The following UNC13A variants were observed in gnomAD, a reference collection of about 807,000 sequenced individuals.
UNC13A encodes unc-13 homolog A.
Under a neutral mutation model 219.7 loss-of-function variants are expected in UNC13A, and 61 were observed. That is an observed-to-expected ratio of 0.28 (90% CI 0.23 to 0.34). UNC13A has a LOEUF of 0.34. Ranked by LOEUF, UNC13A falls within the 10% of genes least tolerant of loss-of-function variation. The pLI, the probability that UNC13A is intolerant of heterozygous loss-of-function variation, is 1.00. For synonymous variants in UNC13A, 920 were observed against 884.6 expected, an observed-to-expected ratio of 1.04 and a Z score of -0.71; for missense variants, 1,476 against 2,270.3, an observed-to-expected ratio of 0.65 and a Z score of 7.11.
chr19:17,665,673 C>T (rs915990272), intron 7 of UNC13A, among the ~76,000 whole-genome samples: 1 of 152,154 alleles, frequency 6.6e-6, no homozygotes. Context: ...GTCTGTTGTA[C>T]GTGCGCCCAT....
At chr19:17,685,784 G>A (rs1299599227) in intron 1 of UNC13A, among the ~76,000 whole-genome samples, 1 of 152,172 alleles carries the variant, frequency 6.6e-6, no homozygotes, top group African/African-American at 2.4e-5. Flanking sequence ...GGGTATGAAT[G>A]TGTGTAGGGA....
In UNC13A at chr19:17,606,010, G is replaced by A; in HGVS notation, c.*44C>T. ...CGCAAGCCCCGTCCCTCCCCGCCCAGCGCCCTCCGCGCAGGCGCAGTGCCG... is the reference window on the plus strand; with the variant it reads ...CGCAAGCCCCGTCCCTCCCCGCCCAACGCCCTCCGCGCAGGCGCAGTGCCG... On this transcript the variant is annotated 3_prime_UTR_variant, in exon 44 of 44. Coordinates refer to ENST00000519716, the MANE Select transcript of UNC13A (RefSeq NM_001080421.3). 1.4e-6 allele frequency: 2 copies of A among 1,393,330 alleles called. No individual in the cohort carries two copies. Among genetic ancestry groups the A allele is most frequent in the Non-Finnish European group, 1.9e-6 (2 of 1,077,718 alleles). The allele number at this position is 1,393,330 out of a possible 1,614,324, so 86.3% of individuals were successfully genotyped here. A position where few individuals can be genotyped will look rare whatever the true frequency, so the allele number is the denominator to read the frequency against.
intron 11 of UNC13A, among the ~76,000 whole-genome samples, chr19:17,654,611 C>A (rs1405889632): frequency 6.6e-6 from 1 of 152,160 alleles, no homozygotes; most frequent in African/African-American, 2.4e-5. Context: ...ATGGCCTCAA[C>A]CCTGCTGCCC....
rs767471139 is a variant in UNC13A at position 17,610,050 on chromosome 19, C to T, written c.4701G>A (p.Pro1567=). 2.5e-6 allele frequency: 4 copies of T among 1,614,018 alleles called. No individual in the cohort carries two copies. The highest frequency in any genetic ancestry group is 1.1e-5 in the South Asian group (1 of 91,082). ...LKWQTSGIFR[P]FIEVNIIGPQ... ...GCCCAATGATGTTGACCTCGATGAA[C>T]GGCCGGAAGATGCCAGAAGTCTGCC... The change falls in exon 43 of 44, where the codon CCG becomes CCA. Residue 1567 remains proline, a synonymous_variant. Transcript: ENST00000519716.
chr19:17,687,757 C>T (rs2080142004), intron 1 of UNC13A, among the ~76,000 whole-genome samples: 1 of 152,136 alleles, frequency 6.6e-6, no homozygotes, highest in Non-Finnish European at 1.5e-5. Context: ...TCCATGAGGA[C>T]CCGTAACCCA....
rs2076618260 is a variant in UNC13A at position 17,612,778 on chromosome 19, C to T, written c.4559-923G>A. The stretch of plus-strand genomic sequence containing the variant: ...AGGAACACTTGAGCTCAGAAGGGTC[C>T]AGGCTGCAGTGAGACGAGATCGCAC... On this transcript the variant is annotated intron_variant, in intron 41 of 43. Transcript: ENST00000519716. 2.0e-5 allele frequency among the ~76,000 whole-genome samples: 3 copies of T among 152,072 alleles called. No homozygotes were observed. In the South Asian group the frequency reaches 6.2e-4, roughly 31 times the overall value.
intron 11 of UNC13A, among the ~76,000 whole-genome samples, chr19:17,653,105 T>C (rs932127336): frequency 6.6e-6 from 1 of 152,006 alleles, no homozygotes; most frequent in Non-Finnish European, 1.5e-5. Context: ...CTCCATCTTG[T>C]AACTAAAGGG....
At chr19:17,628,943 GCA>G (rs1213037974) in intron 31 of UNC13A, among the ~76,000 whole-genome samples, 1 of 151,438 alleles carries the variant, frequency 6.6e-6, no homozygotes, top group Non-Finnish European at 1.5e-5. Context: ...GATCAGACAC[GCA>G]CACTCAGATG....
chr19:17,677,177 A>T (rs535724392), intron 1 of UNC13A, among the ~76,000 whole-genome samples: 3 of 152,134 alleles, frequency 2.0e-5, no homozygotes, highest in Admixed American at 1.3e-4. Flanking sequence ...TCACAGCCCC[A>T]AGAGATTCAA....
chr19:17,649,010 G>T lies in UNC13A; in HGVS notation c.1525-27C>A. ...TGGGGAGGTCACAGAAGAGGGAGTC[G>T]GGGGGGTTGACATCCATGAGATCAC... On this transcript the variant is annotated intron_variant, in intron 14 of 43. Coordinates refer to ENST00000519716, the MANE Select transcript of UNC13A (RefSeq NM_001080421.3). This position sits in a 1 kb window ranked among gnomAD's most constrained non-coding sequence, Gnocchi z 4.4. 6.4e-7 allele frequency: 1 copy of T among 1,568,268 alleles called. No homozygotes were observed. The highest frequency in any genetic ancestry group is 1.4e-5 in the African/African-American group (1 of 73,672).
intron 41 of UNC13A, 140 bp downstream of exon 41, chr19:17,617,562 G>C (rs2076679985): frequency 7.8e-7 from 1 of 1,287,582 alleles, no homozygotes; most frequent in Non-Finnish European, 1.1e-6. Flanking sequence ...TCGCTCATTG[G>C]TCCCTGGACT....
Position 17,655,942 on chromosome 19 carries a change from G to A in UNC13A, c.1224C>T (p.Pro408=), listed in dbSNP as rs369156469. 196 of 1,541,432 alleles carry A rather than the reference G, an allele frequency of 1.3e-4. No individual in the cohort carries two copies. Among genetic ancestry groups the A allele is most frequent in the Non-Finnish European group, 1.5e-4 (176 of 1,146,606 alleles). The change falls in exon 10 of 44, where the codon CCC becomes CCT. Residue 408 remains proline, a synonymous_variant. Transcript: ENST00000519716. ...TCTGCTCAGCTGCAGGCACCTTGTCGGGCGTGGCTGGCTTGGGGGCCACCT... is the reference window on the plus strand; with the variant it reads ...TCTGCTCAGCTGCAGGCACCTTGTCAGGCGTGGCTGGCTTGGGGGCCACCT... The part of the protein sequence containing the change: ...MAKVAPKPAT[P]DKVPAAEQIP...
chr19:17,679,257 G>A lies in UNC13A; in HGVS notation c.23-3216C>T, dbSNP rs1160875420. Among the ~76,000 whole-genome samples, 6 of 151,870 alleles carry A rather than the reference G, an allele frequency of 4.0e-5. No homozygotes were observed. In the East Asian group the frequency reaches 7.8e-4, roughly 20 times the overall value. On this transcript the variant is annotated intron_variant, in intron 1 of 43. Coordinates refer to ENST00000519716, the MANE Select transcript of UNC13A (RefSeq NM_001080421.3). ...TCTATTAAAAATACAAAAATTAGCCGGGCATGATGGTGCACGCCTGTAGTC... is the reference window on the plus strand; with the variant it reads ...TCTATTAAAAATACAAAAATTAGCCAGGCATGATGGTGCACGCCTGTAGTC...
chr19:17,625,984 T>C (rs775982640), intron 34 of UNC13A, among the ~76,000 whole-genome samples: 4 of 150,722 alleles, frequency 2.7e-5, no homozygotes, highest in African/African-American at 4.9e-5. Flanking sequence ...CATCAATCCA[T>C]CTATACATCA....
At chr19:17,630,021 T>G (rs1413855000) in intron 30 of UNC13A, 124 bp downstream of exon 30, 1 of 1,143,650 alleles carries the variant, frequency 8.7e-7, no homozygotes, top group East Asian at 2.6e-5. Context: ...CCAACTTCAA[T>G]CCCAACCTCA....
Position 17,674,238 on chromosome 19 carries a change from G to A in UNC13A, c.152+419C>T, listed in dbSNP as rs913856761. ...AAGGGGCAGAGGTGGGTGTGGCTGG[G>A]GCAGGTGAGGGAGATAGAGCGAGAA... is the stretch of plus-strand genomic sequence containing the variant. On this transcript the variant is annotated intron_variant, in intron 3 of 43. Transcript: ENST00000519716. This position sits in a 1 kb window ranked among gnomAD's most constrained non-coding sequence, Gnocchi z 5.0. Among the ~76,000 whole-genome samples, 3 of 152,216 alleles carry A rather than the reference G, an allele frequency of 2.0e-5. No homozygotes were observed. Among genetic ancestry groups the A allele is most frequent in the Non-Finnish European group, 4.4e-5 (3 of 68,032 alleles).
chr19:17,630,807 G>A lies in UNC13A; in HGVS notation c.3429-57C>T, dbSNP rs532358225. ...ACCTCTTGTCCTCCTCAACCTCTGCGCCGCCTGGTTCTGACCCACTAACGA... is the reference window on the plus strand; with the variant it reads ...ACCTCTTGTCCTCCTCAACCTCTGCACCGCCTGGTTCTGACCCACTAACGA... On this transcript the variant is annotated intron_variant, in intron 28 of 43. Transcript: ENST00000519716. The A allele has an allele frequency of 1.8e-4, 281 of 1,530,402 alleles. 1 individual carries two copies. In the South Asian group the frequency reaches 2.8e-3, roughly 15 times the overall value. The allele number at this position is 1,530,402 out of a possible 1,614,324, so 94.8% of individuals were successfully genotyped here. A position where few individuals can be genotyped will look rare whatever the true frequency, so the allele number is the denominator to read the frequency against.
At chr19:17,622,584 G>GC (rs2076739939) in intron 36 of UNC13A, 1 of 153,008 alleles carries the variant, frequency 6.5e-6, no homozygotes, top group Non-Finnish European at 1.5e-5. Flanking sequence ...TCTTGTAACA[G>GC]CCTTGTCTTG....
chr19:17,636,244 G>A, intron 25 of UNC13A, 87 bp from the exon 26 acceptor site: 1 of 1,427,906 alleles, frequency 7.0e-7, no homozygotes, highest in South Asian at 1.4e-5. Flanking sequence ...AGAGGTTTTA[G>A]AGGAATGCAT....
Sources: gnomAD v4.1 joint callset for allele counts (sites outside exome capture counted in the v4.1 genomes callset) on GRCh38, gnomAD v4.1.1 for gene constraint, Gnocchi (gnomAD v3.1) non-coding constraint, MANE v1.5 for transcripts, NCBI Gene and HGNC (gene_info 2026-07-23, HGNC 2026-07-21) for gene names.